Variants in ATP2B4 observed in about 807,000 individuals in gnomAD.
The protein encoded by ATP2B4 is plasma membrane calcium-transporting ATPase 4.
Under a neutral mutation model 110.3 loss-of-function variants are expected in ATP2B4, and 39 were observed. The observed-to-expected ratio is 0.35, with a 90% CI of 0.27 to 0.46. The LOEUF (loss-of-function observed/expected upper bound fraction) is 0.46. ATP2B4 is among the 20% of genes least tolerant of loss of function. The probability of loss-of-function intolerance (pLI) is 1.00; values close to 1 mark genes in which losing one functional copy is unlikely to be tolerated. For synonymous variants in ATP2B4, 538 were observed against 571.7 expected (o/e 0.94, Z 0.84); for missense variants, 1,135 against 1,530.9 (o/e 0.74, Z 4.32).
chr1:203,737,057 A>G (rs956701928), intron 20 of ATP2B4, among the ~76,000 whole-genome samples: 8 of 152,032 alleles, frequency 5.3e-5, no homozygotes, highest in African/African-American at 1.9e-4. Context: ...TTGCTCCCCA[A>G]AAGACATTTC....
At chr1:203,689,916 G>C (rs909675192) in intron 2 of ATP2B4, among the ~76,000 whole-genome samples, 3 of 152,164 alleles carry the variant, frequency 2.0e-5, no homozygotes, top group Non-Finnish European at 4.4e-5. Context: ...ATCATTTAGG[G>C]ATTACCCAGT....
chr1:203,680,218 T>C (rs1245735277), intron 1 of ATP2B4, among the ~76,000 whole-genome samples: 1 of 152,152 alleles, frequency 6.6e-6, no homozygotes, highest in Non-Finnish European at 1.5e-5. Flanking sequence ...TCCATTCTTT[T>C]GGTGGGGTGG....
chr1:203,637,947 T>C (rs1663507546), intron 1 of ATP2B4, among the ~76,000 whole-genome samples: 4 of 152,200 alleles, frequency 2.6e-5, no homozygotes. Flanking sequence ...TCTCATCTGG[T>C]GCAGGGACAC....
intron 1 of ATP2B4, chr1:203,657,454 G>C: frequency 1.3e-6 from 1 of 785,000 alleles, no homozygotes; most frequent in Non-Finnish European, 2.3e-6. Flanking sequence ...ACTTTGGCTC[G>C]AGATTGTCCC....
chr1:203,720,023 G>C (rs1666275685), intron 15 of ATP2B4, among the ~76,000 whole-genome samples: 1 of 152,132 alleles, frequency 6.6e-6, no homozygotes, highest in Admixed American at 6.6e-5. Flanking sequence ...ATTTAGCTGA[G>C]ATCCTGCCAC....
At chr1:203,628,336 G>T (rs1663152241) in intron 1 of ATP2B4, among the ~76,000 whole-genome samples, 1 of 152,174 alleles carries the variant, frequency 6.6e-6, no homozygotes, top group Admixed American at 6.5e-5. Context: ...CTCCAACTGG[G>T]TGTGGAGGGT....
At chr1:203,702,607 C>A (rs1252696319) in intron 7 of ATP2B4, among the ~76,000 whole-genome samples, 1 of 152,186 alleles carries the variant, frequency 6.6e-6, no homozygotes, top group African/African-American at 2.4e-5. Context: ...TTTGTTCTTG[C>A]CACAGTCTGT....
At chr1:203,638,135 T>C (rs1663514600) in intron 1 of ATP2B4, among the ~76,000 whole-genome samples, 1 of 149,758 alleles carries the variant, frequency 6.7e-6, no homozygotes, top group Admixed American at 6.7e-5. Flanking sequence ...GGAGGGGAGA[T>C]GGGGAGGAAG....
chr1:203,719,378 C>T (rs1244745890), intron 15 of ATP2B4, among the ~76,000 whole-genome samples: 1 of 151,840 alleles, frequency 6.6e-6, no homozygotes, highest in Non-Finnish European at 1.5e-5. Flanking sequence ...TTTTTTCTGT[C>T]GTTTTTGGTG....
intron 1 of ATP2B4, among the ~76,000 whole-genome samples, chr1:203,641,981 G>C (rs1238890661): frequency 6.6e-6 from 1 of 152,178 alleles, no homozygotes; most frequent in Non-Finnish European, 1.5e-5. Flanking sequence ...CAATGTCAGA[G>C]GGAAAAATGA....
chr1:203,671,965 C>T lies in ATP2B4; in HGVS notation c.-464-10777C>T, dbSNP rs559779374. On this transcript the variant is annotated intron_variant, in intron 1 of 20. Coordinates refer to ENST00000357681, the MANE Select transcript of ATP2B4 (RefSeq NM_001684.5). ...TGGGGGCTTCGAAGCTCTCCTCCCA[C>T]GACACCTGGTGAATCCTCCATGTCT... Among the ~76,000 whole-genome samples the T allele has an allele frequency of 5.9e-5, 9 of 152,270 alleles. 1 individual carries two copies. The South Asian group carries it at 8.3e-4, about 14-fold the overall frequency.
chr1:203,658,566 G>C lies in ATP2B4; in HGVS notation c.-464-24176G>C, dbSNP rs550787846. Among the ~76,000 whole-genome samples the C allele has an allele frequency of 2.6e-5, 4 of 151,744 alleles. No homozygotes were observed. The East Asian group carries it at 7.7e-4, about 29-fold the overall frequency. On this transcript the variant is annotated intron_variant, in intron 1 of 20. Transcript: ENST00000357681. ...GAAAAAAAGAAAAAGAAACGAAGACGGGATGATGAGCAAATAAAATGGTAA... is the reference window on the plus strand; with the variant it reads ...GAAAAAAAGAAAAAGAAACGAAGACCGGATGATGAGCAAATAAAATGGTAA...
In ATP2B4 at chr1:203,712,059, G is replaced by A. The variant is rs750275463; in HGVS notation, c.2131G>A (p.Gly711Ser). ...NTARAIATKC[G>S]ILTPGDDFLC... is the part of the protein sequence containing the mutation. ...AGCCCGGGCCATTGCCACCAAATGTGGCATTCTGACACCTGGGGATGACTT... is the reference window on the plus strand; with the variant it reads ...AGCCCGGGCCATTGCCACCAAATGTAGCATTCTGACACCTGGGGATGACTT... The change falls in exon 13 of 21, where the codon GGC (glycine) becomes AGC (serine). Residue 711 changes from glycine (G) to serine (S), a missense_variant. Gly to Ser is a moderately conservative substitution (Grantham distance 56). Around this residue, in one of 9 missense-constraint regions of ATP2B4, gnomAD observed 368 missense variants for 455.9 expected, o/e 0.81. Coordinates refer to ENST00000357681, the MANE Select transcript of ATP2B4 (RefSeq NM_001684.5). 4 of 1,614,050 alleles carry A rather than the reference G, an allele frequency of 2.5e-6. No homozygotes were observed. Among genetic ancestry groups the A allele is most frequent in the Admixed American group, 3.3e-5 (2 of 60,008 alleles).
rs779048789 is a variant in ATP2B4 at position 203,686,685 on chromosome 1, C to CTTTTTTTTTTTTTTTTTTTTTTT, written c.193+3291_193+3313dup. Among the ~76,000 whole-genome samples the CTTTTTTTTTTTTTTTTTTTTTTT allele has an allele frequency of 6.1e-4, 26 of 42,780 alleles. 3 individuals are homozygous for CTTTTTTTTTTTTTTTTTTTTTTT. Among genetic ancestry groups the CTTTTTTTTTTTTTTTTTTTTTTT allele is most frequent in the African/African-American group, 1.1e-3 (11 of 9,914 alleles). 28.1% of individuals were successfully genotyped at this position (42,780 alleles called of 152,430 possible). A position where few individuals can be genotyped will look rare whatever the true frequency, so the allele number is the denominator to read the frequency against. ...CCTGGTGTTTTTCTTTCTTTTCTTT[C>CTTTTTTTTTTTTTTTTTTTTTTT]TTTTTTTTTTTTTTTTTTTTTTTTT... On this transcript the variant is annotated intron_variant, in intron 2 of 20. Coordinates refer to ENST00000357681, the MANE Select transcript of ATP2B4 (RefSeq NM_001684.5).
intron 1 of ATP2B4, among the ~76,000 whole-genome samples, chr1:203,650,005 A>G (rs1221686242): frequency 6.6e-6 from 1 of 152,150 alleles, no homozygotes; most frequent in African/African-American, 2.4e-5. Context: ...AGACGCTGTA[A>G]TAGCCTGTTT....
At chr1:203,644,060 G>C (rs938778746) in intron 1 of ATP2B4, among the ~76,000 whole-genome samples, 3 of 151,992 alleles carry the variant, frequency 2.0e-5, no homozygotes, top group Non-Finnish European at 4.4e-5. Context: ...GGCCAGCTTG[G>C]CCAACATGAT....
At chr1:203,735,803 G>A (rs1054521869) in intron 20 of ATP2B4, among the ~76,000 whole-genome samples, 9 of 152,096 alleles carry the variant, frequency 5.9e-5, no homozygotes, top group Admixed American at 1.3e-4. Context: ...CTTCTAACTA[G>A]CTTCTGTTCT....
Position 203,707,986 on chromosome 1 carries a change from C to T in ATP2B4, c.1439C>T (p.Ala480Val). 6.2e-7 allele frequency: 1 copy of T among 1,614,166 alleles called. No homozygotes were observed. Among genetic ancestry groups the T allele is most frequent in the Non-Finnish European group, 8.5e-7 (1 of 1,180,040 alleles). ...LTMNRMTVVQ[A>V]YIGGIHYRQI... ...ATGAACCGCATGACTGTGGTACAAG[C>T]TTATATTGGGGGCATCCATTACCGT... Residue 480 changes from alanine (A) to valine (V), a missense_variant, in exon 10 of 21, where the codon GCT (alanine) becomes GTT (valine). Ala to Val is a moderately conservative substitution (Grantham distance 64). Coordinates refer to ENST00000357681, the MANE Select transcript of ATP2B4 (RefSeq NM_001684.5).
At chr1:203,665,767 C>G (rs187386859) in intron 1 of ATP2B4, among the ~76,000 whole-genome samples, 78 of 149,306 alleles carry the variant, frequency 5.2e-4, no homozygotes, top group African/African-American at 1.9e-3. Flanking sequence ...CAGCACTGCA[C>G]TCCAGCCTGG....
Sources: gnomAD v4.1 joint callset for allele counts (sites outside exome capture counted in the v4.1 genomes callset) on GRCh38, gnomAD v4.1.1 for gene constraint, gnomAD v4.1.1 regional missense constraint, MANE v1.5 for transcripts, NCBI Gene and HGNC (gene_info 2026-07-23, HGNC 2026-07-21) for gene names.